MKLN1: variants seen among roughly 807,000 people sequenced by gnomAD.
MKLN1 encodes the protein muskelin.
Under a neutral mutation model 99.0 loss-of-function variants are expected in MKLN1, and 18 were observed. The observed-to-expected ratio is 0.18, with a 90% confidence interval of 0.13 to 0.27. The LOEUF is 0.27. MKLN1 is among the 10% of genes least tolerant of loss of function. MKLN1 has a pLI of 1.00. For missense variants in MKLN1, 621 were observed against 875.9 expected (o/e 0.71, Z 3.67); for synonymous variants, 288 against 293.2 (o/e 0.98, Z 0.18).
At chr7:131,327,632 G>A (rs1798921511), upstream of MKLN1, 4 of 443,746 alleles carry the variant, frequency 9.0e-6, no homozygotes, top group South Asian at 1.7e-4. Context: ...TGTAAGAAAA[G>A]TCCTTTGCGC....
chr7:131,335,866 T>A (rs1799235144), intron 1 of MKLN1, among the ~76,000 whole-genome samples: 1 of 152,050 alleles, frequency 6.6e-6, no homozygotes, highest in Non-Finnish European at 1.5e-5. Flanking sequence ...TATAAATGTT[T>A]ATGTACCCTT....
At chr7:131,208,652 A>G (rs1796854520) in intron 3 of MKLN1, among the ~76,000 whole-genome samples, 1 of 152,168 alleles carries the variant, frequency 6.6e-6, no homozygotes, top group Non-Finnish European at 1.5e-5. Flanking sequence ...TATTACTTTT[A>G]TTCTTAATAC....
At chr7:131,122,749 C>CAT (rs1795391559) in intron 1 of MKLN1, among the ~76,000 whole-genome samples, 1 of 151,816 alleles carries the variant, frequency 6.6e-6, no homozygotes, top group Non-Finnish European at 1.5e-5. Flanking sequence ...GGGCCGGGTG[C>CAT]GGTGGCTCAT....
intron 8 of MKLN1, among the ~76,000 whole-genome samples, chr7:131,426,278 G>T (rs1253391471): frequency 6.6e-6 from 1 of 152,128 alleles, no homozygotes; most frequent in Non-Finnish European, 1.5e-5. Context: ...TAATGAACCA[G>T]GGTAACCTTA....
chr7:131,387,031 C>T (rs977057166), intron 2 of MKLN1, 89 bp from the exon 3 acceptor site: 92 of 1,231,116 alleles, frequency 7.5e-5, no homozygotes, highest in Non-Finnish European at 1.0e-4. Flanking sequence ...GGACCTTATA[C>T]ATTCTTCTGT....
intron 16 of MKLN1, among the ~76,000 whole-genome samples, chr7:131,475,080 C>A (rs928175385): frequency 2.0e-5 from 3 of 152,120 alleles, no homozygotes; most frequent in African/African-American, 7.2e-5. Context: ...ACCCCTCCCC[C>A]AATTCAACAT....
intron 2 of MKLN1, among the ~76,000 whole-genome samples, chr7:131,386,317 T>C (rs1419689043): frequency 6.6e-6 from 1 of 152,102 alleles, no homozygotes; most frequent in Non-Finnish European, 1.5e-5. Context: ...CGGCCAGGTC[T>C]TCAGTCCTAA....
At chr7:131,399,942 C>T (rs1342744627) in intron 6 of MKLN1, among the ~76,000 whole-genome samples, 1 of 152,126 alleles carries the variant, frequency 6.6e-6, no homozygotes, top group East Asian at 1.9e-4. Context: ...AGTTGAACAT[C>T]TGTATTATCT....
intron 3 of MKLN1, among the ~76,000 whole-genome samples, chr7:131,269,743 C>A (rs1797857443): frequency 6.6e-6 from 1 of 152,126 alleles, no homozygotes. Flanking sequence ...ATCCATTTGT[C>A]CTCATTTACT....
At chr7:131,248,380 T>C (rs1372738043) in intron 3 of MKLN1, among the ~76,000 whole-genome samples, 1 of 152,164 alleles carries the variant, frequency 6.6e-6, no homozygotes, top group African/African-American at 2.4e-5. Context: ...TCTCTGCTGG[T>C]ACCCCAGTTA....
chr7:131,431,231 CAAAAA>C (rs200619931), intron 9 of MKLN1, among the ~76,000 whole-genome samples: 1 of 149,090 alleles, frequency 6.7e-6, no homozygotes, highest in South Asian at 2.1e-4. Flanking sequence ...CAAAAAAAAA[CAAAAA>C]AAAACAACCA....
chr7:131,223,674 G>A (rs574396443), intron 3 of MKLN1, among the ~76,000 whole-genome samples: 11 of 152,276 alleles, frequency 7.2e-5, no homozygotes, highest in Admixed American at 5.2e-4. Context: ...ATGCTGAGCT[G>A]GCTGGAACTG....
In MKLN1 at chr7:131,228,524, T is replaced by C. The variant is rs542978610; in HGVS notation, c.-179+25550T>C. Among the ~76,000 whole-genome samples, 4 of 152,340 alleles carry C rather than the reference T, an allele frequency of 2.6e-5. No homozygotes were observed. In the East Asian group the frequency reaches 5.8e-4, roughly 22 times the overall value. On this transcript the variant is annotated intron_variant, in intron 3 of 7. Transcript: ENST00000416992. ...TGGGTTCAAACCTCAGCTCTGCTGC[T>C]CTTAGTATTAGGGGTTTTTCCCTAA...
At chr7:131,371,507 G>A (rs1793452288) in intron 1 of MKLN1, among the ~76,000 whole-genome samples, 1 of 152,116 alleles carries the variant, frequency 6.6e-6, no homozygotes, top group South Asian at 2.1e-4. Context: ...TTCAGCACTG[G>A]TATTTTCCTT....
chr7:131,270,268 G>A (rs752756912), intron 3 of MKLN1, among the ~76,000 whole-genome samples: 30 of 151,964 alleles, frequency 2.0e-4, no homozygotes, highest in Non-Finnish European at 3.5e-4. Context: ...TGTTGCCCAG[G>A]CTGGAGTGCA....
At chr7:131,465,232 G>A (rs1796624373) in intron 14 of MKLN1, among the ~76,000 whole-genome samples, 1 of 151,936 alleles carries the variant, frequency 6.6e-6, no homozygotes, top group South Asian at 2.1e-4. Context: ...TACACTAATT[G>A]TAATTAAAAT....
intron 1 of MKLN1, among the ~76,000 whole-genome samples, chr7:131,341,441 T>C (rs937458105): frequency 2.0e-5 from 3 of 152,262 alleles, no homozygotes; most frequent in Non-Finnish European, 4.4e-5. Context: ...AATCATATAA[T>C]TTATGGCCTT....
rs184890083 is a variant in MKLN1, at chr7:131,450,128, A to G, written c.1525+4225A>G. Among the ~76,000 whole-genome samples the G allele has an allele frequency of 2.8e-3, 423 of 152,082 alleles. 1 individual carries two copies. The highest frequency in any genetic ancestry group is 9.8e-3 in the African/African-American group (407 of 41,504). The stretch of plus-strand genomic sequence containing the variant: ...GAACTAGTTTGGGCTAACATCACCT[A>G]TTTGGCCTCTGTCTCTAGACTTCCT... On this transcript the variant is annotated intron_variant, in intron 12 of 17. Transcript: ENST00000352689.
rs139726539 is a variant in MKLN1, at chr7:131,147,889, G to C, written c.-297+4948G>C. ...GAAATGGTCATGTGGATACAAGGAG[G>C]CTTGTGTAGTTCCTGCATCTGTGGT... On this transcript the variant is annotated intron_variant, in intron 2 of 7. Transcript: ENST00000416992. 1.6e-4 allele frequency among the ~76,000 whole-genome samples: 24 copies of C among 152,320 alleles called. 1 individual carries two copies. In the East Asian group the frequency reaches 4.6e-3, roughly 29 times the overall value.
Sources: allele counts gnomAD v4.1 joint callset (sites outside exome capture counted in the v4.1 genomes callset), GRCh38; gene constraint gnomAD v4.1.1; transcripts MANE v1.5; gene names NCBI Gene and HGNC (gene_info 2026-07-23, HGNC 2026-07-21).